The following FHIT variants were observed in gnomAD, a reference collection of about 807,000 sequenced individuals.
FHIT encodes the protein bis(5'-adenosyl)-triphosphatase.
FHIT carries 19 observed loss-of-function variants against 17.9 expected under a neutral mutation model. That is an observed-to-expected ratio of 1.06 (90% confidence interval 0.74 to 1.56). FHIT has a LOEUF of 1.56. Among genes scored for constraint, FHIT ranks in the 40% most tolerant of loss-of-function variants. The pLI is 0.00. For synonymous variants in FHIT, 81 were observed against 69.7 expected (o/e 1.16, Z -0.81); for missense variants, 248 against 189.2 (o/e 1.31, Z -1.82).
At chr3:60,150,589 T>C (rs1700423535) in intron 5 of FHIT, among the ~76,000 whole-genome samples, 1 of 152,120 alleles carries the variant, frequency 6.6e-6, no homozygotes, top group Non-Finnish European at 1.5e-5. Context: ...CGAAAGTCGC[T>C]GAGACTATAG....
chr3:60,033,024 T>TA (rs948316945), intron 5 of FHIT, among the ~76,000 whole-genome samples: 6 of 151,424 alleles, frequency 4.0e-5, no homozygotes, highest in Non-Finnish European at 7.4e-5. Flanking sequence ...CTGACTCAGT[T>TA]AAAAAAAAAT....
At position 59,812,338 on chromosome 3, in the gene FHIT, T is replaced by C. The variant is rs59334442; in HGVS notation, c.349-60017A>G. On this transcript the variant is annotated intron_variant, in intron 8 of 9. Coordinates refer to ENST00000492590, the MANE Select transcript of FHIT (RefSeq NM_002012.4). ...TGACTCTGGACTGATCTTGGCCTTA[T>C]ACAAGTCAGAAAGAAGTGAGTGATA... Among the ~76,000 whole-genome samples the C allele has an allele frequency of 8.7e-3, 1,323 of 152,260 alleles. 16 individuals are homozygous for C. Among genetic ancestry groups the C allele is most frequent in the African/African-American group, 0.03 (1,246 of 41,542 alleles).
chr3:59,787,529 C>CGT (rs1553676511), intron 8 of FHIT, among the ~76,000 whole-genome samples: 3 of 147,710 alleles, frequency 2.0e-5, no homozygotes, highest in African/African-American at 7.7e-5. Flanking sequence ...CACACACACA[C>CGT]GTCAAAGGCT....
chr3:60,339,625 C>T (rs1260611522), intron 5 of FHIT, among the ~76,000 whole-genome samples: 10 of 152,148 alleles, frequency 6.6e-5, no homozygotes, highest in Admixed American at 5.9e-4. Context: ...AAGAAGAATC[C>T]CATCTGCCAG....
intron 5 of FHIT, among the ~76,000 whole-genome samples, chr3:60,294,711 A>C (rs532264820): frequency 6.6e-6 from 1 of 152,212 alleles, no homozygotes; most frequent in South Asian, 2.1e-4. Flanking sequence ...AACCATCCTT[A>C]ATCACTGCCA....
intron 5 of FHIT, among the ~76,000 whole-genome samples, chr3:60,034,935 C>T (rs13061158): frequency 0.1 from 15,725 of 152,220 alleles, 919 homozygotes; most frequent in Non-Finnish European, 0.12. Context: ...ATCTCTGATT[C>T]GGTTCTAATT....
chr3:60,395,469 C>T (rs1882735), intron 5 of FHIT, among the ~76,000 whole-genome samples: 4,087 of 152,180 alleles, frequency 0.027, 94 homozygotes, highest in Middle Eastern at 0.061. Context: ...TTACTATATT[C>T]CTTTCCACAG....
intron 5 of FHIT, among the ~76,000 whole-genome samples, chr3:60,361,720 C>G (rs1217576846): frequency 6.6e-6 from 1 of 152,120 alleles, no homozygotes; most frequent in Admixed American, 6.6e-5. Context: ...AGATTTTACC[C>G]CTCAATGACA....
intron 3 of FHIT, among the ~76,000 whole-genome samples, chr3:60,855,611 A>G (rs1315883278): frequency 6.6e-6 from 1 of 152,092 alleles, no homozygotes; most frequent in East Asian, 1.9e-4. Context: ...CAGCACTATC[A>G]CTTTAATTTT....
At chr3:60,413,713 A>C (rs1702147422) in intron 5 of FHIT, among the ~76,000 whole-genome samples, 1 of 152,106 alleles carries the variant, frequency 6.6e-6, no homozygotes, top group South Asian at 2.1e-4. Flanking sequence ...TAAACTGCTT[A>C]CAAATTAGCT....
chr3:60,400,067 C>A (rs909535732), intron 5 of FHIT, among the ~76,000 whole-genome samples: 2 of 152,084 alleles, frequency 1.3e-5, no homozygotes, highest in African/African-American at 4.8e-5. Context: ...ATGGGGATGG[C>A]AGTACTCTGG....
At chr3:59,957,392 C>G (rs924683867) in intron 7 of FHIT, among the ~76,000 whole-genome samples, 1 of 152,242 alleles carries the variant, frequency 6.6e-6, no homozygotes, top group Admixed American at 6.5e-5. Flanking sequence ...CTGCTGACAC[C>G]TTGGTCTTTG....
At chr3:60,612,750 T>C (rs533898212) in intron 4 of FHIT, among the ~76,000 whole-genome samples, 1 of 152,254 alleles carries the variant, frequency 6.6e-6, no homozygotes, top group East Asian at 1.9e-4. Flanking sequence ...TTATAAGAAC[T>C]TTGAGACTAG....
At chr3:60,001,234 C>T (rs893312514) in intron 7 of FHIT, among the ~76,000 whole-genome samples, 2 of 152,168 alleles carry the variant, frequency 1.3e-5, no homozygotes, top group African/African-American at 4.8e-5. Context: ...TAACCCAGTG[C>T]CTGGGAGCAC....
At chr3:60,483,686 A>G (rs1313742853) in intron 5 of FHIT, among the ~76,000 whole-genome samples, 1 of 152,226 alleles carries the variant, frequency 6.6e-6, no homozygotes, top group African/African-American at 2.4e-5. Flanking sequence ...TCTCAAAATA[A>G]TAAGAGCTAC....
intron 5 of FHIT, among the ~76,000 whole-genome samples, chr3:60,438,160 C>A (rs1038159070): frequency 3.3e-5 from 5 of 152,078 alleles, no homozygotes; most frequent in African/African-American, 1.2e-4. Flanking sequence ...CTCACTCAAG[C>A]AAAGCTATCT....
chr3:60,253,468 G>C (rs1705829715), intron 5 of FHIT, among the ~76,000 whole-genome samples: 2 of 152,174 alleles, frequency 1.3e-5, no homozygotes, highest in Admixed American at 6.5e-5. Context: ...GTACCAGTAA[G>C]GATATAATAT....
chr3:60,917,570 C>G (rs1707074166), intron 3 of FHIT, among the ~76,000 whole-genome samples: 1 of 152,238 alleles, frequency 6.6e-6, no homozygotes, highest in Non-Finnish European at 1.5e-5. Context: ...TGGCCTCTAT[C>G]AAGCACATTC....
At chr3:59,752,629 G>C (rs144960376) in intron 8 of FHIT, among the ~76,000 whole-genome samples, 1,668 of 152,240 alleles carry the variant, frequency 0.011, 34 homozygotes, top group African/African-American at 0.038. Context: ...GGTGGGGCCT[G>C]GTGGCAAGTG....
Sources: gnomAD v4.1 joint callset for allele counts (sites outside exome capture counted in the v4.1 genomes callset) on GRCh38, gnomAD v4.1.1 for gene constraint, MANE v1.5 for transcripts, NCBI Gene and HGNC (gene_info 2026-07-23, HGNC 2026-07-21) for gene names.